MSRA: variants seen among roughly 807,000 people sequenced by gnomAD.
MSRA encodes mitochondrial peptide methionine sulfoxide reductase.
MSRA carries 54 observed loss-of-function variants against 31.3 expected under a neutral mutation model. That is an observed-to-expected ratio of 1.73 (90% CI 1.39 to 2.17). The LOEUF is 2.17. Among genes scored for constraint, MSRA ranks in the 30% most tolerant of loss-of-function variants. MSRA has a pLI of 0.00. For synonymous variants in MSRA, 169 were observed against 116.5 expected (o/e 1.45, Z -2.90); for missense variants, 507 against 300.9 (o/e 1.69, Z -5.07).
chr8:10,132,924 G>C (rs1303860031), intron 1 of MSRA, among the ~76,000 whole-genome samples: 1 of 152,166 alleles, frequency 6.6e-6, no homozygotes, highest in African/African-American at 2.4e-5. Context: ...CTGACACTTG[G>C]GCTAGCAGGC....
At chr8:10,225,238 A>G (rs976476128) in intron 2 of MSRA, among the ~76,000 whole-genome samples, 15 of 152,198 alleles carry the variant, frequency 9.9e-5, no homozygotes, top group Non-Finnish European at 2.1e-4. Context: ...CCTCCCATGT[A>G]TTCAGTTGAA....
chr8:10,398,477 C>A (rs528918383), intron 5 of MSRA, among the ~76,000 whole-genome samples: 75 of 152,290 alleles, frequency 4.9e-4, no homozygotes, highest in African/African-American at 1.7e-3. Flanking sequence ...CTGCAGGGGT[C>A]CCTCAGAGGG....
intron 5 of MSRA, among the ~76,000 whole-genome samples, chr8:10,393,061 C>CAAAAAAA: frequency 1.3e-5 from 1 of 77,702 alleles, no homozygotes; most frequent in Non-Finnish European, 2.3e-5. Flanking sequence ...GACTCCGTCT[C>CAAAAAAA]AAAAAAAAAA....
intron 3 of MSRA, among the ~76,000 whole-genome samples, chr8:10,284,575 A>G (rs1428903755): frequency 1.3e-5 from 2 of 152,202 alleles, no homozygotes; most frequent in Non-Finnish European, 2.9e-5. Flanking sequence ...TGTGCCAAAC[A>G]TTGGATTCAT....
intron 1 of MSRA, among the ~76,000 whole-genome samples, chr8:10,057,760 C>T (rs771783660): frequency 7.9e-5 from 12 of 152,130 alleles, no homozygotes; most frequent in Non-Finnish European, 1.3e-4. Context: ...TGGAGATGTG[C>T]CAGCTTCCTC....
rs1264384252 is a variant in MSRA at position 10,337,549 on chromosome 8, T to C, written c.543+17560T>C. On this transcript the variant is annotated intron_variant, in intron 5 of 5. Transcript: ENST00000317173. ...CTAGGCTACAGAAAGCAGCATTAAG[T>C]CTGATATACATCAATCCATGTTCAA... 3 of 608,108 alleles carry C rather than the reference T, an allele frequency of 4.9e-6. No individual in the cohort carries two copies. In the Admixed American group the frequency reaches 8.5e-5, roughly 17 times the overall value. 37.7% of individuals were successfully genotyped at this position (608,108 alleles called of 1,614,324 possible). A position where few individuals can be genotyped will look rare whatever the true frequency, so the allele number is the denominator to read the frequency against.
At chr8:10,238,563 C>G (rs528275212) in intron 2 of MSRA, among the ~76,000 whole-genome samples, 1 of 152,140 alleles carries the variant, frequency 6.6e-6, no homozygotes, top group African/African-American at 2.4e-5. Context: ...AGGATTGGTG[C>G]AGGAATAGAC....
chr8:10,270,107 G>C (rs1055492019), intron 3 of MSRA, among the ~76,000 whole-genome samples: 2 of 152,330 alleles, frequency 1.3e-5, no homozygotes, highest in Admixed American at 1.3e-4. Context: ...ATGTTTTCTT[G>C]TATGAACTGA....
chr8:10,106,933 A>G (rs1180722363), intron 1 of MSRA, among the ~76,000 whole-genome samples: 2 of 150,350 alleles, frequency 1.3e-5, no homozygotes, highest in African/African-American at 2.5e-5. Flanking sequence ...TACCCCATCT[A>G]TCCACCTTCC....
chr8:10,069,667 G>T (rs1415487494), intron 1 of MSRA, among the ~76,000 whole-genome samples: 1 of 152,102 alleles, frequency 6.6e-6, no homozygotes, highest in East Asian at 1.9e-4. Context: ...CTTTATAAGG[G>T]CTTTATTCTC....
intron 1 of MSRA, among the ~76,000 whole-genome samples, chr8:10,144,695 C>T (rs954911107): frequency 2.0e-5 from 3 of 151,144 alleles, no homozygotes; most frequent in African/African-American, 4.9e-5. Flanking sequence ...AATTCTGCAG[C>T]ATCCTGCTGT....
rs140396805 is a variant in MSRA, at chr8:10,270,288, T to G, written c.331+25065T>G. 1.4e-4 allele frequency among the ~76,000 whole-genome samples: 21 copies of G among 152,222 alleles called. 1 individual carries two copies. Among genetic ancestry groups the G allele is most frequent in the African/African-American group, 3.4e-4 (14 of 41,528 alleles). ...GGTAGCTATTTCTGTTTCAAGTTAA[T>G]GCACAGAGCCACAAAATGCCATACA... On this transcript the variant is annotated intron_variant, in intron 3 of 5. Transcript: ENST00000317173.
chr8:10,092,180 T>C (rs1288672612), intron 1 of MSRA, among the ~76,000 whole-genome samples: 1 of 152,216 alleles, frequency 6.6e-6, no homozygotes, highest in African/African-American at 2.4e-5. Context: ...TCTTCATTAT[T>C]TAGGAGTGTT....
rs1478112288 is a variant in MSRA at position 10,303,918 on chromosome 8, ATTTTTTGTTTTT to A, written c.436+2281_436+2292del. Among the ~76,000 whole-genome samples the A allele has an allele frequency of 2.0e-4, 30 of 151,934 alleles. No individual in the cohort carries two copies. In the East Asian group the frequency reaches 6.0e-3, roughly 30 times the overall value. ...CATTATATTTGCCAGGTGCCCTTTT[ATTTTTTGTTTTT>A]GTTTTTTATTTTATTATTTTTTTGA... On this transcript the variant is annotated intron_variant, in intron 4 of 5. Transcript: ENST00000317173.
chr8:10,421,877 A>C, intron 5 of MSRA, among the ~76,000 whole-genome samples: 1 of 152,146 alleles, frequency 6.6e-6, no homozygotes, highest in Non-Finnish European at 1.5e-5. Flanking sequence ...TGGGGATTCC[A>C]TGGGGGAATG....
intron 1 of MSRA, among the ~76,000 whole-genome samples, chr8:10,093,627 T>A (rs1798966942): frequency 6.6e-6 from 1 of 152,204 alleles, no homozygotes; most frequent in Non-Finnish European, 1.5e-5. Flanking sequence ...TAAGGATATT[T>A]AAAAAATTAA....
At chr8:10,309,905 C>G (rs1256578606) in intron 4 of MSRA, among the ~76,000 whole-genome samples, 2 of 152,190 alleles carry the variant, frequency 1.3e-5, no homozygotes, top group Non-Finnish European at 2.9e-5. Flanking sequence ...GGCTCCCGAG[C>G]CTCTTTCCAG....
At chr8:10,217,869 CA>C (rs1810134031) in intron 2 of MSRA, among the ~76,000 whole-genome samples, 1 of 152,162 alleles carries the variant, frequency 6.6e-6, no homozygotes, top group African/African-American at 2.4e-5. Flanking sequence ...ATCGCGTATA[CA>C]TTGCAATTGG....
chr8:10,380,639 C>G (rs1418991343), intron 5 of MSRA, among the ~76,000 whole-genome samples: 1 of 152,062 alleles, frequency 6.6e-6, no homozygotes, highest in Non-Finnish European at 1.5e-5. Flanking sequence ...ATTTTTTCAT[C>G]TTTATGTCTC....
Sources: gnomAD v4.1 joint callset for allele counts (sites outside exome capture counted in the v4.1 genomes callset) on GRCh38, gnomAD v4.1.1 for gene constraint, MANE v1.5 for transcripts, NCBI Gene and HGNC (gene_info 2026-07-23, HGNC 2026-07-21) for gene names.